Variants in SEMA5A observed in about 807,000 individuals in gnomAD.
The protein encoded by SEMA5A is semaphorin 5A.
In SEMA5A, 55 loss-of-function variants were observed where a neutral mutation model predicts 135.5. The ratio of observed to expected loss-of-function variants is 0.41; its 90% CI spans 0.33 to 0.51. The LOEUF (loss-of-function observed/expected upper bound fraction) is 0.51. SEMA5A is among the 20% of genes least tolerant of loss of function. SEMA5A has a pLI of 0.37. For missense variants in SEMA5A, 1,290 were observed against 1,419.9 expected, an observed-to-expected ratio of 0.91 and a Z score of 1.47; for synonymous variants, 580 against 546.5, an observed-to-expected ratio of 1.06 and a Z score of -0.85.
intron 12 of SEMA5A, among the ~76,000 whole-genome samples, chr5:9,142,311 G>C (rs1216411800): frequency 6.6e-6 from 1 of 152,132 alleles, no homozygotes; most frequent in Non-Finnish European, 1.5e-5. Context: ...TTTTTGCAGA[G>C]AGATCAGCTT....
intron 5 of SEMA5A, among the ~76,000 whole-genome samples, chr5:9,281,420 G>A (rs1750534609): frequency 1.3e-5 from 2 of 152,232 alleles, no homozygotes; most frequent in South Asian, 2.1e-4. Context: ...CAGCTGGGAA[G>A]GGTTTGCTAC....
rs756124150 is a variant in SEMA5A at position 9,226,979 on chromosome 5, T to G, written c.334-12A>C. 7.9e-6 allele frequency: 11 copies of G among 1,394,196 alleles called. No homozygotes were observed. 86.4% of individuals were successfully genotyped at this position (1,394,196 alleles called of 1,614,324 possible). A position where few individuals can be genotyped will look rare whatever the true frequency, so the allele number is the denominator to read the frequency against. ...TTCTGACATTCCTCCTGAGGGAAAA[T>G]AAATAAATTAATTAAAAATATATAT... On this transcript the variant is annotated splice_polypyrimidine_tract_variant and intron_variant, in intron 6 of 22. Transcript: ENST00000382496.
intron 4 of SEMA5A, among the ~76,000 whole-genome samples, chr5:9,322,676 G>A (rs942407995): frequency 1.3e-5 from 2 of 152,014 alleles, no homozygotes; most frequent in Admixed American, 6.6e-5. Context: ...TAAATTAACA[G>A]CTGCAGTGAG....
At chr5:9,390,910 T>C (rs930911595) in intron 2 of SEMA5A, 1 of 152,194 alleles carries the variant, frequency 6.6e-6, no homozygotes, top group East Asian at 1.9e-4. Context: ...ATAAGATAAG[T>C]GTTCTCATTC....
chr5:9,126,063 C>A (rs1308947514), intron 13 of SEMA5A, among the ~76,000 whole-genome samples: 1 of 152,106 alleles, frequency 6.6e-6, no homozygotes, highest in Non-Finnish European at 1.5e-5. Context: ...ATGGAGCCAG[C>A]CTCAAGCAAT....
chr5:9,360,277 G>T (rs1483613670), intron 3 of SEMA5A, among the ~76,000 whole-genome samples: 1 of 152,172 alleles, frequency 6.6e-6, no homozygotes, highest in Non-Finnish European at 1.5e-5. Context: ...TGATTCTGTA[G>T]GTGACACTGA....
At chr5:9,349,795 G>A (rs967366744) in intron 3 of SEMA5A, among the ~76,000 whole-genome samples, 2 of 152,004 alleles carry the variant, frequency 1.3e-5, no homozygotes, top group Admixed American at 6.6e-5. Context: ...CCAGCTACTC[G>A]GGAAGCTGAG....
intron 5 of SEMA5A, among the ~76,000 whole-genome samples, chr5:9,304,536 C>G (rs941087715): frequency 9.2e-5 from 14 of 152,040 alleles, no homozygotes; most frequent in Admixed American, 4.6e-4. Context: ...AGAAAGCCCT[C>G]TATGTCATAC....
chr5:9,131,565 G>C (rs539251640), intron 13 of SEMA5A, among the ~76,000 whole-genome samples: 1 of 128,396 alleles, frequency 7.8e-6, no homozygotes, highest in Non-Finnish European at 1.5e-5. Context: ...CTGAGATCTC[G>C]CAACTGCACT....
chr5:9,257,436 C>T (rs1749131975), intron 5 of SEMA5A, among the ~76,000 whole-genome samples: 1 of 142,688 alleles, frequency 7.0e-6, no homozygotes, highest in African/African-American at 2.5e-5. Flanking sequence ...CTGTATACTA[C>T]CCACATAGAT....
At chr5:9,152,201 G>A (rs1191513483) in intron 12 of SEMA5A, among the ~76,000 whole-genome samples, 1 of 152,162 alleles carries the variant, frequency 6.6e-6, no homozygotes, top group Non-Finnish European at 1.5e-5. Context: ...GACAGCACAG[G>A]CCTGCGGCTT....
chr5:9,209,065 A>C (rs1746203736), intron 8 of SEMA5A, among the ~76,000 whole-genome samples: 1 of 152,218 alleles, frequency 6.6e-6, no homozygotes, highest in Non-Finnish European at 1.5e-5. Flanking sequence ...TGATTCAAGT[A>C]GGAACCACTT....
chr5:9,207,688 T>C (rs554480614), intron 8 of SEMA5A, among the ~76,000 whole-genome samples: 2 of 152,308 alleles, frequency 1.3e-5, no homozygotes, highest in Non-Finnish European at 2.9e-5. Context: ...ACAGTTTATG[T>C]AGATAAAACT....
At chr5:9,064,153 G>A (rs559017720) in intron 17 of SEMA5A, among the ~76,000 whole-genome samples, 5 of 152,250 alleles carry the variant, frequency 3.3e-5, no homozygotes, top group Admixed American at 1.3e-4. Context: ...AATTAGAATT[G>A]TCTGTCTGTG....
chr5:9,358,045 T>C (rs920019523), intron 3 of SEMA5A, among the ~76,000 whole-genome samples: 1 of 152,150 alleles, frequency 6.6e-6, no homozygotes, highest in Middle Eastern at 3.2e-3. Flanking sequence ...CTAGCACTGA[T>C]TCTCTCCCCA....
At chr5:9,301,774 T>A (rs937173614) in intron 5 of SEMA5A, among the ~76,000 whole-genome samples, 1 of 152,160 alleles carries the variant, frequency 6.6e-6, no homozygotes, top group African/African-American at 2.4e-5. Context: ...CCTGCCCACC[T>A]GCAATATATG....
At chr5:9,217,240 G>A (rs1036913159) in intron 8 of SEMA5A, among the ~76,000 whole-genome samples, 1 of 152,152 alleles carries the variant, frequency 6.6e-6, no homozygotes, top group African/African-American at 2.4e-5. Flanking sequence ...CACTTAGGAA[G>A]CTAAGTTTAG....
chr5:9,088,134 C>G (rs967108684), intron 16 of SEMA5A, among the ~76,000 whole-genome samples: 5 of 151,786 alleles, frequency 3.3e-5, no homozygotes, highest in African/African-American at 1.2e-4. Context: ...TGGTGAAACC[C>G]CGTCTGCACT....
intron 11 of SEMA5A, among the ~76,000 whole-genome samples, chr5:9,175,098 T>C (rs541548651): frequency 1.3e-5 from 2 of 152,298 alleles, no homozygotes; most frequent in Admixed American, 1.3e-4. Flanking sequence ...TATATTATTC[T>C]AATATTCAGC....
Sources: allele counts gnomAD v4.1 joint callset (sites outside exome capture counted in the v4.1 genomes callset), GRCh38; gene constraint gnomAD v4.1.1; transcripts MANE v1.5; gene names NCBI Gene and HGNC (gene_info 2026-07-23, HGNC 2026-07-21).